The following CGNL1 variants were observed in gnomAD, a reference collection of about 807,000 sequenced individuals.
CGNL1 encodes the protein cingulin like 1.
Under a neutral mutation model 141.2 loss-of-function variants are expected in CGNL1, and 132 were observed. The ratio of observed to expected loss-of-function variants is 0.93; its 90% CI spans 0.81 to 1.08. CGNL1 has a LOEUF of 1.08. CGNL1 is among the 50% of genes least tolerant of loss of function. The pLI, the probability that CGNL1 is intolerant of heterozygous loss-of-function variation, is 0.00. For missense variants in CGNL1, 1,870 were observed against 1,588.6 expected, an observed-to-expected ratio of 1.18 and a Z score of -3.01; for synonymous variants, 690 against 622.1, an observed-to-expected ratio of 1.11 and a Z score of -1.63.
intron 17 of CGNL1, 42 bp from the exon 18 acceptor site, chr15:57,546,034 G>C (rs2032844562): frequency 6.3e-7 from 1 of 1,588,318 alleles, no homozygotes; most frequent in South Asian, 1.2e-5. Flanking sequence ...GCTGGGGCTG[G>C]GCCATCAGCC....
chr15:57,402,916 A>G (rs751955902), intron 1 of CGNL1, among the ~76,000 whole-genome samples: 2 of 152,174 alleles, frequency 1.3e-5, no homozygotes, highest in Non-Finnish European at 2.9e-5. Context: ...CATTTTGACA[A>G]GACAGCAGGC....
In CGNL1 at chr15:57,501,730, G is replaced by A. The variant is rs562913652; in HGVS notation, c.2404-15050G>A. Reference sequence around the variant, plus strand: ...CTAGGAGCCATCCGAGAGCTGCACAGGAGCCAGAGGGTTATTGGAGGCCCC... The same window carrying A: ...CTAGGAGCCATCCGAGAGCTGCACAAGAGCCAGAGGGTTATTGGAGGCCCC... On this transcript the variant is annotated intron_variant, in intron 8 of 18. Coordinates refer to ENST00000281282, the MANE Select transcript of CGNL1 (RefSeq NM_032866.5). 7.3e-4 allele frequency among the ~76,000 whole-genome samples: 111 copies of A among 152,298 alleles called. 1 individual carries two copies. The highest frequency in any genetic ancestry group is 2.6e-3 in the African/African-American group (107 of 41,558).
chr15:57,393,805 A>G (rs2062569332), intron 1 of CGNL1: 1 of 152,184 alleles, frequency 6.6e-6, no homozygotes, highest in Non-Finnish European at 1.5e-5. Flanking sequence ...TTTTGTGACT[A>G]AGTGGTGTAA....
At chr15:57,385,452 A>G (rs2062472510) in intron 1 of CGNL1, among the ~76,000 whole-genome samples, 1 of 152,354 alleles carries the variant, frequency 6.6e-6, no homozygotes, top group East Asian at 1.9e-4. Flanking sequence ...CGGAGATTGC[A>G]GTGAGCTGAG....
intron 8 of CGNL1, among the ~76,000 whole-genome samples, chr15:57,481,023 T>C (rs1257338322): frequency 6.6e-6 from 1 of 151,586 alleles, no homozygotes; most frequent in South Asian, 2.1e-4. Flanking sequence ...CAATAAATAG[T>C]ATGTTTGTTA....
intron 14 of CGNL1, among the ~76,000 whole-genome samples, chr15:57,534,744 G>T (rs140397888): frequency 3.6e-4 from 55 of 152,316 alleles, no homozygotes; most frequent in African/African-American, 1.3e-3. Flanking sequence ...CTAAAAACAG[G>T]AAAGGGTGCT....
chr15:57,470,271 T>TTTTTTTC (rs2063564857), intron 8 of CGNL1, among the ~76,000 whole-genome samples: 1 of 146,562 alleles, frequency 6.8e-6, no homozygotes, highest in Admixed American at 6.8e-5. Flanking sequence ...TTTTTTTTTT[T>TTTTTTTC]GCCTGCCCCA....
chr15:57,426,789 A>G (rs1595691747), intron 1 of CGNL1, among the ~76,000 whole-genome samples: 1 of 152,090 alleles, frequency 6.6e-6, no homozygotes, highest in Non-Finnish European at 1.5e-5. Flanking sequence ...GAAAGGAGAC[A>G]TGAATGGTCC....
chr15:57,395,745 T>G (rs1388769669), intron 1 of CGNL1, among the ~76,000 whole-genome samples: 1 of 152,252 alleles, frequency 6.6e-6, no homozygotes, highest in Non-Finnish European at 1.5e-5. Context: ...ATGAAGTAGT[T>G]GATGGTTTTG....
chr15:57,383,626 CTTTTCTT>C (rs2062450867), intron 1 of CGNL1, among the ~76,000 whole-genome samples: 1 of 62,778 alleles, frequency 1.6e-5, no homozygotes. Flanking sequence ...CTTTTCTTTT[CTTTTCTT>C]TTTTTTTTTG....
chr15:57,395,823 G>C (rs773280616), intron 1 of CGNL1, among the ~76,000 whole-genome samples: 42 of 152,182 alleles, frequency 2.8e-4, no homozygotes, highest in Admixed American at 2.0e-3. Flanking sequence ...AGACCATGCA[G>C]CTGGTAAGTG....
At chr15:57,404,003 C>A (rs988830230) in intron 1 of CGNL1, among the ~76,000 whole-genome samples, 2 of 152,210 alleles carry the variant, frequency 1.3e-5, no homozygotes, top group Admixed American at 1.3e-4. Context: ...CCAGGGAGTA[C>A]CTTGAGCTAG....
chr15:57,411,094 C>A (rs933324023), intron 1 of CGNL1, among the ~76,000 whole-genome samples: 2 of 152,088 alleles, frequency 1.3e-5, no homozygotes, highest in Non-Finnish European at 2.9e-5. Context: ...TGATATTGGC[C>A]ATGTTTTCTT....
At chr15:57,458,512 G>A (rs951318429) in intron 7 of CGNL1, among the ~76,000 whole-genome samples, 6 of 152,128 alleles carry the variant, frequency 3.9e-5, no homozygotes, top group South Asian at 2.1e-4. Context: ...ATGCATTGGC[G>A]GCAGCACACA....
intron 1 of CGNL1, among the ~76,000 whole-genome samples, chr15:57,410,781 G>C (rs1247344010): frequency 2.6e-5 from 4 of 152,158 alleles, no homozygotes; most frequent in African/African-American, 9.7e-5. Context: ...TCTTGTATTA[G>C]TCAGGATGTA....
intron 1 of CGNL1, among the ~76,000 whole-genome samples, chr15:57,398,733 C>G (rs7178816): frequency 0.031 from 4,751 of 152,266 alleles, 236 homozygotes; most frequent in African/African-American, 0.11. Context: ...ACACATACCT[C>G]TATTGTTTTA....
At chr15:57,390,246 G>C (rs562967635) in intron 1 of CGNL1, among the ~76,000 whole-genome samples, 2 of 152,236 alleles carry the variant, frequency 1.3e-5, no homozygotes, top group Non-Finnish European at 2.9e-5. Flanking sequence ...TCTGGGTTGA[G>C]GTCTATTCCA....
intron 1 of CGNL1, among the ~76,000 whole-genome samples, chr15:57,423,197 G>C (rs1214803992): frequency 1.3e-5 from 2 of 152,088 alleles, no homozygotes; most frequent in Non-Finnish European, 2.9e-5. Context: ...CACCCTTAGG[G>C]GCTCAGCTGA....
At chr15:57,379,549 C>T (rs1485314452) in intron 1 of CGNL1, among the ~76,000 whole-genome samples, 2 of 152,120 alleles carry the variant, frequency 1.3e-5, no homozygotes, top group Non-Finnish European at 2.9e-5. Flanking sequence ...CTCTCTTTCC[C>T]CGTGAAACCC....
Sources: allele counts gnomAD v4.1 joint callset (sites outside exome capture counted in the v4.1 genomes callset), GRCh38; gene constraint gnomAD v4.1.1; transcripts MANE v1.5; gene names NCBI Gene and HGNC (gene_info 2026-07-23, HGNC 2026-07-21).